The following LPAR1 variants were observed in gnomAD, a reference collection of about 807,000 sequenced individuals.
LPAR1 encodes LPA receptor 1.
In LPAR1, 5 loss-of-function variants were observed where a neutral mutation model predicts 23.8. The ratio of observed to expected loss-of-function variants is 0.21; its 90% CI spans 0.11 to 0.44. LPAR1 has a LOEUF of 0.44. Ranked by LOEUF, LPAR1 falls within the 20% of genes least tolerant of loss-of-function variation. LPAR1 has a pLI of 0.99. For synonymous variants in LPAR1, 160 were observed against 164.7 expected (o/e 0.97, Z 0.22); for missense variants, 311 against 482.8 (o/e 0.64, Z 3.33).
chr9:110,989,554 G>A (rs998123161), intron 2 of LPAR1, among the ~76,000 whole-genome samples: 1 of 152,082 alleles, frequency 6.6e-6, no homozygotes, highest in Non-Finnish European at 1.5e-5. Context: ...TCACTTAAAA[G>A]TTGCCTACAA....
At chr9:111,002,963 AC>A (rs996749361) in intron 2 of LPAR1, among the ~76,000 whole-genome samples, 13 of 151,952 alleles carry the variant, frequency 8.6e-5, no homozygotes, top group African/African-American at 3.1e-4. Flanking sequence ...ACATGGTGAG[AC>A]CCCATCTCTA....
chr9:110,966,423 G>A (rs778581567), intron 4 of LPAR1, among the ~76,000 whole-genome samples: 8 of 150,418 alleles, frequency 5.3e-5, no homozygotes, highest in Non-Finnish European at 8.9e-5. Context: ...AGGTTGTGGC[G>A]AGCCAAGATC....
intron 2 of LPAR1, among the ~76,000 whole-genome samples, chr9:110,994,128 G>A (rs1196376428): frequency 6.6e-6 from 1 of 152,118 alleles, no homozygotes; most frequent in African/African-American, 2.4e-5. Flanking sequence ...AACAGTGTGT[G>A]CCACCTGACA....
intron 2 of LPAR1, among the ~76,000 whole-genome samples, chr9:110,992,777 G>T (rs1490826199): frequency 1.3e-5 from 2 of 152,084 alleles, no homozygotes; most frequent in African/African-American, 4.8e-5. Flanking sequence ...TGTAGAAAAT[G>T]CAAACTAATT....
chr9:110,976,774 C>T lies in LPAR1; in HGVS notation c.-181-3216G>A, dbSNP rs539620363. 5.4e-4 allele frequency among the ~76,000 whole-genome samples: 82 copies of T among 152,186 alleles called. No homozygotes were observed. In the South Asian group the frequency reaches 7.9e-3, roughly 15 times the overall value. ...TCATCTATATTTCTCTTCTCAAAACCGTAAAATTACTTCTAATGCCTCTCA... is the reference window on the plus strand; with the variant it reads ...TCATCTATATTTCTCTTCTCAAAACTGTAAAATTACTTCTAATGCCTCTCA... On this transcript the variant is annotated intron_variant, in intron 2 of 5. Transcript: ENST00000683809.
At chr9:110,920,798 T>A (rs2093572954) in intron 5 of LPAR1, among the ~76,000 whole-genome samples, 1 of 152,178 alleles carries the variant, frequency 6.6e-6, no homozygotes, top group African/African-American at 2.4e-5. Context: ...TCATCACAGA[T>A]AATATGTCTA....
chr9:110,884,021 C>T (rs2081629023), intron 5 of LPAR1, among the ~76,000 whole-genome samples: 1 of 146,296 alleles, frequency 6.8e-6, no homozygotes, highest in Non-Finnish European at 1.5e-5. Context: ...AGCTTAAAAT[C>T]ATTTTCTCTC....
intron 4 of LPAR1, among the ~76,000 whole-genome samples, chr9:110,948,325 T>C (rs1041718184): frequency 4.6e-5 from 7 of 152,056 alleles, no homozygotes. Flanking sequence ...AACTAGAAAA[T>C]GGGCCACAAA....
At chr9:110,997,028 T>C (rs1343235235) in intron 2 of LPAR1, among the ~76,000 whole-genome samples, 1 of 152,160 alleles carries the variant, frequency 6.6e-6, no homozygotes, top group Non-Finnish European at 1.5e-5. Flanking sequence ...TATGGTGTAT[T>C]TTGAAACAAA....
At chr9:111,028,496 G>T (rs1473342593) in intron 2 of LPAR1, among the ~76,000 whole-genome samples, 1 of 151,670 alleles carries the variant, frequency 6.6e-6, no homozygotes, top group Non-Finnish European at 1.5e-5. Flanking sequence ...TAATTTAAAA[G>T]AATCATAATG....
intron 4 of LPAR1, among the ~76,000 whole-genome samples, chr9:110,966,946 C>G (rs2096247746): frequency 6.6e-6 from 1 of 152,162 alleles, no homozygotes; most frequent in Non-Finnish European, 1.5e-5. Flanking sequence ...TAACACAGTG[C>G]TAGAAACAGA....
chr9:110,896,775 A>G (rs1167722270), intron 5 of LPAR1, among the ~76,000 whole-genome samples: 1 of 146,160 alleles, frequency 6.8e-6, no homozygotes, highest in East Asian at 2.0e-4. Context: ...ATATGCAACT[A>G]TTTAGTGAAA....
At chr9:110,882,879 C>T (rs1355170613) in intron 5 of LPAR1, among the ~76,000 whole-genome samples, 2 of 152,130 alleles carry the variant, frequency 1.3e-5, no homozygotes, top group Admixed American at 1.3e-4. Flanking sequence ...TCAACTCACT[C>T]ATATTCAGAT....
At chr9:110,927,526 C>T (rs2094128480) in intron 5 of LPAR1, among the ~76,000 whole-genome samples, 1 of 151,952 alleles carries the variant, frequency 6.6e-6, no homozygotes, top group South Asian at 2.1e-4. Context: ...TTTTTAGAAA[C>T]TCTCAGAACT....
chr9:110,905,384 T>C (rs2090905290), intron 5 of LPAR1, among the ~76,000 whole-genome samples: 1 of 150,650 alleles, frequency 6.6e-6, no homozygotes, highest in South Asian at 2.1e-4. Context: ...CTCGCTCTAT[T>C]ACGCAGGCTG....
chr9:110,956,619 G>A (rs961819834), intron 4 of LPAR1, among the ~76,000 whole-genome samples: 2 of 151,726 alleles, frequency 1.3e-5, no homozygotes, highest in African/African-American at 4.8e-5. Flanking sequence ...CAGTATAACT[G>A]ATACCATAGA....
At chr9:110,990,792 A>G (rs2096878502) in intron 2 of LPAR1, among the ~76,000 whole-genome samples, 1 of 152,162 alleles carries the variant, frequency 6.6e-6, no homozygotes. Flanking sequence ...ATGTTTCTTT[A>G]AGAACATCAA....
intron 5 of LPAR1, among the ~76,000 whole-genome samples, chr9:110,907,724 T>C (rs2091581195): frequency 6.6e-6 from 1 of 152,164 alleles, no homozygotes; most frequent in African/African-American, 2.4e-5. Flanking sequence ...TCTGTACTAA[T>C]CATATGTTAT....
intron 5 of LPAR1, among the ~76,000 whole-genome samples, chr9:110,903,850 A>C (rs1414126739): frequency 7.2e-6 from 1 of 138,810 alleles, no homozygotes; most frequent in East Asian, 2.5e-4. Flanking sequence ...ATACCAGGAC[A>C]TTTCATAATT....
Sources: gnomAD v4.1 joint callset for allele counts (sites outside exome capture counted in the v4.1 genomes callset) on GRCh38, gnomAD v4.1.1 for gene constraint, MANE v1.5 for transcripts, NCBI Gene and HGNC (gene_info 2026-07-23, HGNC 2026-07-21) for gene names.